Variants in GHRH observed in about 807,000 individuals in gnomAD.
GHRH encodes the protein growth hormone releasing hormone, also known as somatoliberin.
GHRH carries 7 observed loss-of-function variants against 15.6 expected under a neutral mutation model. That is an observed-to-expected ratio of 0.45 (90% CI 0.26 to 0.84). The LOEUF is 0.84. Among genes scored for constraint, GHRH ranks in the 40% least tolerant of loss-of-function variants. The probability of loss-of-function intolerance (pLI) is 0.18; values close to 1 mark genes in which losing one functional copy is unlikely to be tolerated. For missense variants in GHRH, 117 were observed against 138.0 expected, an observed-to-expected ratio of 0.85 and a Z score of 0.76; for synonymous variants, 54 against 50.4, an observed-to-expected ratio of 1.07 and a Z score of -0.30.
At chr20:37,254,867 G>T (rs1208429802) in intron 3 of GHRH, among the ~76,000 whole-genome samples, 1 of 152,176 alleles carries the variant, frequency 6.6e-6, no homozygotes, top group Non-Finnish European at 1.5e-5. Context: ...CAGATTAAAA[G>T]AAACTGAAGG....
At chr20:37,256,612 A>AC (rs1366577630) in intron 2 of GHRH, 114 bp from the exon 3 acceptor site, 1 of 747,234 alleles carries the variant, frequency 1.3e-6, no homozygotes, top group Non-Finnish European at 2.2e-6. Context: ...TGTCCCACTC[A>AC]CCCCAAGAGA....
At chr20:37,254,148 G>T in intron 4 of GHRH, 62 bp downstream of exon 4, 2 of 1,591,380 alleles carry the variant, frequency 1.3e-6, no homozygotes, top group African/African-American at 1.3e-5. Context: ...TCCTTTTCCT[G>T]GCAAACCACG....
chr20:37,256,956 G>C (rs930545506), intron 1 of GHRH, 48 bp from the exon 2 acceptor site: 94 of 1,191,360 alleles, frequency 7.9e-5, no homozygotes, highest in Non-Finnish European at 1.1e-4. Flanking sequence ...CAGCCATTGG[G>C]ATGGCCTTCA....
chr20:37,259,534 C>T (rs1316112425), intron 1 of GHRH, among the ~76,000 whole-genome samples: 1 of 152,180 alleles, frequency 6.6e-6, no homozygotes. Flanking sequence ...CCAATCACCT[C>T]CCTCCCCTGC....
rs1191043009 is a variant in GHRH at position 37,254,479 on chromosome 20, T to G, written c.189-150A>C. ...ACACTTAGGGAGGCAGTATATATAG[T>G]AATGAAGAGCACAGAAGTACAAGTG... On this transcript the variant is annotated intron_variant, in intron 3 of 4. Coordinates refer to ENST00000373614, the MANE Select transcript of GHRH (RefSeq NM_021081.6). 3.9e-6 allele frequency: 3 copies of G among 770,766 alleles called. No homozygotes were observed. In the Admixed American group the frequency reaches 6.2e-5, roughly 16 times the overall value. The allele number at this position is 770,766 out of a possible 1,614,324, so 47.7% of individuals were successfully genotyped here. A position where few individuals can be genotyped will look rare whatever the true frequency, so the allele number is the denominator to read the frequency against.
intron 4 of GHRH, 26 bp downstream of exon 4, chr20:37,254,184 A>G: frequency 1.9e-6 from 3 of 1,613,578 alleles, no homozygotes; most frequent in Non-Finnish European, 2.5e-6. Context: ...AAGTCCCTAG[A>G]TGCACCCATG....
At chr20:37,256,554 G>A (rs776215379) in intron 2 of GHRH, 56 bp from the exon 3 acceptor site, 5 of 1,107,458 alleles carry the variant, frequency 4.5e-6, no homozygotes, top group African/African-American at 1.5e-5. Flanking sequence ...CGAGAGGACA[G>A]TCGTGGCTGC....
intron 1 of GHRH, among the ~76,000 whole-genome samples, chr20:37,259,952 G>GA (rs1261411795): frequency 6.6e-6 from 1 of 151,970 alleles, no homozygotes; most frequent in Non-Finnish European, 1.5e-5. Context: ...GAAAGGGTCT[G>GA]AAAAAAAGGA....
intron 3 of GHRH, 45 bp from the exon 4 acceptor site, chr20:37,254,374 G>A (rs1257182944): frequency 6.2e-7 from 1 of 1,610,284 alleles, no homozygotes; most frequent in Non-Finnish European, 8.5e-7. Context: ...TGGGTAGGAT[G>A]TGGAAAGGCA....
At chr20:37,252,859 T>A (rs1441817286) in intron 4 of GHRH, among the ~76,000 whole-genome samples, 1 of 152,114 alleles carries the variant, frequency 6.6e-6, no homozygotes, top group Non-Finnish European at 1.5e-5. Flanking sequence ...GCCAACATGG[T>A]GAAACCCTGT....
In GHRH at chr20:37,256,572, A is replaced by G. The variant is rs568753545; in HGVS notation, c.84-74T>C. ...GAGGACAGTCGTGGCTGCACTCGCC[A>G]TGTCTCTGCAAGATCCTTCTGTTGC... On this transcript the variant is annotated intron_variant, in intron 2 of 4. Coordinates refer to ENST00000373614, the MANE Select transcript of GHRH (RefSeq NM_021081.6). 2.4e-4 allele frequency: 219 copies of G among 928,842 alleles called. 1 individual carries two copies. The highest frequency in any genetic ancestry group is 1.6e-3 in the Middle Eastern group (6 of 3,758). The allele number at this position is 928,842 out of a possible 1,614,324, so 57.5% of individuals were successfully genotyped here.
chr20:37,256,378 T>G lies in GHRH; in HGVS notation c.188+16A>C. ...GCTGCAGGGTGTGGGAAGAAATCAC[T>G]AGAACTCCTGCTTACCCCTGCTGCC... On this transcript the variant is annotated intron_variant, in intron 3 of 4. Coordinates refer to ENST00000373614, the MANE Select transcript of GHRH (RefSeq NM_021081.6). The G allele has an allele frequency of 6.4e-7, 1 of 1,566,148 alleles. No individual in the cohort carries two copies. Among genetic ancestry groups the G allele is most frequent in the Non-Finnish European group, 8.8e-7 (1 of 1,140,874 alleles).
In GHRH at chr20:37,258,076, C is replaced by T. The variant is rs889221587; in HGVS notation, c.-19-1168G>A. Among the ~76,000 whole-genome samples, 6 of 152,192 alleles carry T rather than the reference C, an allele frequency of 3.9e-5. No homozygotes were observed. Among genetic ancestry groups the T allele is most frequent in the African/African-American group, 9.7e-5 (4 of 41,442 alleles). On this transcript the variant is annotated intron_variant, in intron 1 of 4. Transcript: ENST00000373614. This position sits in a 1 kb window ranked among gnomAD's most constrained non-coding sequence, Gnocchi z 4.1. ...TGTAACTACCCTTAATTGGGGCCTG[C>T]GGACAGCATGCTCTGCAATTAGGGG... is the stretch of plus-strand genomic sequence containing the variant.
At position 37,256,513 on chromosome 20, in the gene GHRH, T is replaced by A. The variant is rs2068656911; in HGVS notation, c.84-15A>T. ...ACCGCCGCATCCTGTGCGGAAGGAG[T>A]CAGGGGTCAGAGGGCGGGGTGGAGG... On this transcript the variant is annotated splice_polypyrimidine_tract_variant and intron_variant, in intron 2 of 4. Transcript: ENST00000373614. 3 of 1,571,742 alleles carry A rather than the reference T, an allele frequency of 1.9e-6. No homozygotes were observed.
chr20:37,252,772 C>T (rs1457782528), intron 4 of GHRH, among the ~76,000 whole-genome samples: 1 of 151,848 alleles, frequency 6.6e-6, no homozygotes, highest in Non-Finnish European at 1.5e-5. Flanking sequence ...GGCGTGGTGG[C>T]GGGTGCCTGT....
At chr20:37,259,121 T>C (rs6104309) in intron 1 of GHRH, among the ~76,000 whole-genome samples, 2,645 of 152,288 alleles carry the variant, frequency 0.017, 76 homozygotes, top group African/African-American at 0.059. Context: ...GTTAAGCCTC[T>C]ACTGTTCCGG....
chr20:37,254,741 A>C (rs2068645666), intron 3 of GHRH, among the ~76,000 whole-genome samples: 1 of 152,158 alleles, frequency 6.6e-6, no homozygotes, highest in African/African-American at 2.4e-5. Flanking sequence ...CATTAGAGGA[A>C]CGCATCCTCT....
rs1307083117 is a variant in GHRH at position 37,254,343 on chromosome 20, A to G, written c.189-14T>C. The G allele has an allele frequency of 2.5e-6, 4 of 1,613,970 alleles. No individual in the cohort carries two copies. Among genetic ancestry groups the G allele is most frequent in the Non-Finnish European group, 3.4e-6 (4 of 1,179,944 alleles). Reference sequence around the variant, plus strand: ...TGGTTGCTCTCTCTGTGTGGTTAGAAAAAGAGAACTAGTTGCTATTTGGGT... The same window carrying G: ...TGGTTGCTCTCTCTGTGTGGTTAGAGAAAGAGAACTAGTTGCTATTTGGGT... On this transcript the variant is annotated splice_polypyrimidine_tract_variant and intron_variant, in intron 3 of 4. Coordinates refer to ENST00000373614, the MANE Select transcript of GHRH (RefSeq NM_021081.6).
chr20:37,254,960 G>T (rs1334330770), intron 3 of GHRH, among the ~76,000 whole-genome samples: 1 of 152,058 alleles, frequency 6.6e-6, no homozygotes, highest in African/African-American at 2.4e-5. Context: ...GGACATTTTG[G>T]GACAACTGGT....
Sources: allele counts gnomAD v4.1 joint callset (sites outside exome capture counted in the v4.1 genomes callset), GRCh38; gene constraint gnomAD v4.1.1; non-coding constraint Gnocchi (gnomAD v3.1); transcripts MANE v1.5; gene names NCBI Gene and HGNC (gene_info 2026-07-23, HGNC 2026-07-21).